The following WHRN variants were observed in gnomAD, a reference collection of about 807,000 sequenced individuals.
WHRN encodes the protein CASK-interacting protein CIP98.
A neutral mutation model predicts 68.3 loss-of-function variants in WHRN; 41 were observed. That is an observed-to-expected ratio of 0.60 (90% CI 0.47 to 0.78). The LOEUF is 0.78. Ranked by LOEUF, WHRN falls within the 30% of genes least tolerant of loss-of-function variation. WHRN has a pLI of 0.00. For missense variants in WHRN, 1,243 were observed against 1,244.7 expected (o/e 1.00, Z 0.02); for synonymous variants, 560 against 561.3 (o/e 1.00, Z 0.03).
At chr9:114,493,011 T>C (rs1471274275) in intron 1 of WHRN, among the ~76,000 whole-genome samples, 1 of 151,934 alleles carries the variant, frequency 6.6e-6, no homozygotes, top group East Asian at 1.9e-4. Flanking sequence ...AGCAAGGCCC[T>C]ATCTCAAAAA....
chr9:114,462,425 C>G (rs1286138424), intron 3 of WHRN, among the ~76,000 whole-genome samples: 2 of 152,178 alleles, frequency 1.3e-5, no homozygotes, highest in African/African-American at 2.4e-5. Flanking sequence ...AGTGTCCAAG[C>G]AGGGAGACTG....
At chr9:114,477,083 C>T (rs941007434) in intron 2 of WHRN, among the ~76,000 whole-genome samples, 36 of 152,142 alleles carry the variant, frequency 2.4e-4, no homozygotes, top group African/African-American at 7.0e-4. Flanking sequence ...AACCTTGACG[C>T]GGCCCGGGCT....
At chr9:114,450,114 T>C (rs1589159921) in intron 3 of WHRN, among the ~76,000 whole-genome samples, 1 of 151,870 alleles carries the variant, frequency 6.6e-6, no homozygotes, top group African/African-American at 2.4e-5. Flanking sequence ...GCATGGCTCA[T>C]TAGAAAAAAC....
At chr9:114,441,526 A>T (rs907822996) in intron 3 of WHRN, among the ~76,000 whole-genome samples, 3 of 152,200 alleles carry the variant, frequency 2.0e-5, no homozygotes, top group African/African-American at 7.2e-5. Context: ...GCTGGGCAGG[A>T]AAAGTACAAG....
At chr9:114,502,153 G>A (rs1347751725) in intron 1 of WHRN, among the ~76,000 whole-genome samples, 1 of 152,188 alleles carries the variant, frequency 6.6e-6, no homozygotes, top group Admixed American at 6.5e-5. Context: ...AAGGGTCCAT[G>A]TCAGGCAGGT....
In WHRN at chr9:114,402,754, C is replaced by T; in HGVS notation, c.2724G>A (p.Ter908=). 6.8e-6 allele frequency: 11 copies of T among 1,613,888 alleles called. No homozygotes were observed. Among genetic ancestry groups the T allele is most frequent in the Non-Finnish European group, 8.5e-6 (10 of 1,180,044 alleles). Residue 908 remains the stop codon, a stop_retained_variant, in exon 12 of 12, where the codon TAG becomes TAA. Transcript: ENST00000362057. ...GTGGGAGGCCCTCAGGCCTTGGCCT[C>T]TAGAGCATCACATTGAACTCAGTGA... ...FLVTEFNVML[*]
intron 3 of WHRN, among the ~76,000 whole-genome samples, chr9:114,451,393 C>T (rs574296751): frequency 1.3e-5 from 2 of 152,160 alleles, no homozygotes; most frequent in East Asian, 1.9e-4. Context: ...CATGATGAAA[C>T]TCAGGAGATC....
chr9:114,436,434 T>C (rs1039054084), intron 3 of WHRN, among the ~76,000 whole-genome samples: 2 of 152,108 alleles, frequency 1.3e-5, no homozygotes, highest in Non-Finnish European at 2.9e-5. Flanking sequence ...ATGTTAATAA[T>C]AGGGGAAAAT....
rs143968510 is a variant in WHRN at position 114,410,947 on chromosome 9, G to A, written c.1627-2929C>T. 2.9e-3 allele frequency among the ~76,000 whole-genome samples: 449 copies of A among 152,314 alleles called. 1 individual carries two copies. Among genetic ancestry groups the A allele is most frequent in the Non-Finnish European group, 4.5e-3 (306 of 68,028 alleles). ...CTTTGAGCTCACACCCAGTTCTGCC[G>A]CTTGCAGCTGAGTGATGGTAGGTAA... On this transcript the variant is annotated intron_variant, in intron 7 of 11. Coordinates refer to ENST00000362057, the MANE Select transcript of WHRN (RefSeq NM_015404.4).
At position 114,504,479 on chromosome 9, in the gene WHRN, T is replaced by C; in HGVS notation, c.323A>G (p.Gln108Arg). 1 of 1,608,582 alleles carries C rather than the reference T, an allele frequency of 6.2e-7. No individual in the cohort carries two copies. The highest frequency in any genetic ancestry group is 8.5e-7 in the Non-Finnish European group (1 of 1,179,790). Residue 108 changes from glutamine to arginine, a missense_variant, in exon 1 of 12, where the codon CAA becomes CGA. Coordinates refer to ENST00000362057, the MANE Select transcript of WHRN (RefSeq NM_015404.4). ...CAGGTAGAGGCCCTCGGCCGTGTATTGGTCGAAGAGCAGCTGGTCGGAGCG... is the reference window on the plus strand; with the variant it reads ...CAGGTAGAGGCCCTCGGCCGTGTATCGGTCGAAGAGCAGCTGGTCGGAGCG... ...IPRSDQLLFD[Q>R]YTAEGLYLPA...
At chr9:114,497,511 G>GC (rs1554744416) in intron 1 of WHRN, among the ~76,000 whole-genome samples, 2 of 117,932 alleles carry the variant, frequency 1.7e-5, no homozygotes, top group East Asian at 5.3e-4. Flanking sequence ...TTTGTTTTTT[G>GC]TTTTTAAAAA....
rs998048764 is a variant in WHRN at position 114,406,719 on chromosome 9, T to C, written c.1872A>G (p.Pro624=). The change falls in exon 9 of 12, where the codon CCA becomes CCG. Residue 624 remains proline, a synonymous_variant. Coordinates refer to ENST00000362057, the MANE Select transcript of WHRN (RefSeq NM_015404.4). ...TGCCCGCTGGCGGGCTGCGGTTCTG[T>C]GGAGCCGAGAAGACAGTGCCCGAGC... The part of the protein sequence containing the change: ...PSCSGTVFSA[P]QNRSPPAGTA... 6.2e-7 allele frequency: 1 copy of C among 1,614,034 alleles called. No homozygotes were observed. Among genetic ancestry groups the C allele is most frequent in the Non-Finnish European group, 8.5e-7 (1 of 1,180,008 alleles).
rs551302761 is a variant in WHRN at position 114,430,770 on chromosome 9, G to A, written c.964-4357C>T. 5.3e-4 allele frequency among the ~76,000 whole-genome samples: 81 copies of A among 152,276 alleles called. No individual in the cohort carries two copies. The Middle Eastern group carries it at 0.017, about 32-fold the overall frequency. On this transcript the variant is annotated intron_variant, in intron 3 of 11. Transcript: ENST00000362057. ...GGCTGTGAAATGGGAGTCACACTTGGGAAACCCTGACTTACTGGGGACGTG... is the reference window on the plus strand; with the variant it reads ...GGCTGTGAAATGGGAGTCACACTTGAGAAACCCTGACTTACTGGGGACGTG...
chr9:114,491,950 C>T (rs1304111814), intron 1 of WHRN, among the ~76,000 whole-genome samples: 1 of 151,682 alleles, frequency 6.6e-6, no homozygotes, highest in Non-Finnish European at 1.5e-5. Flanking sequence ...ACAAGGTTAC[C>T]CCTTCCCAGT....
intron 3 of WHRN, among the ~76,000 whole-genome samples, chr9:114,441,000 C>T (rs1341778980): frequency 6.6e-6 from 1 of 152,150 alleles, no homozygotes; most frequent in Non-Finnish European, 1.5e-5. Flanking sequence ...TTAATATGTG[C>T]CACAGATTGA....
At chr9:114,408,166 A>C in intron 7 of WHRN, 148 bp from the exon 8 acceptor site, 1 of 708,918 alleles carries the variant, frequency 1.4e-6, no homozygotes, top group Non-Finnish European at 2.6e-6. Context: ...ATCGAAATTC[A>C]CTTTACCCAT....
In WHRN at chr9:114,490,571, T is replaced by TTTCC. The variant is rs35866231; in HGVS notation, c.619-11801_619-11800insGGAA. Reference sequence around the variant, plus strand: ...CAACTGTTCATTCCTTCCACCCTCTTTTAAGAGTTTGACCTTCTCTGAGGG... The same window carrying TTTCC: ...CAACTGTTCATTCCTTCCACCCTCTTTTCCTTAAGAGTTTGACCTTCTCTGAGGG... On this transcript the variant is annotated intron_variant, in intron 1 of 11. Transcript: ENST00000362057. 0.041 allele frequency among the ~76,000 whole-genome samples: 14 copies of TTTCC among 338 alleles called. No individual in the cohort carries two copies. The East Asian group carries it at 0.46, about 11-fold the overall frequency. 0.2% of individuals were successfully genotyped at this position (338 alleles called of 152,430 possible). A position where few individuals can be genotyped will look rare whatever the true frequency, so the allele number is the denominator to read the frequency against.
chr9:114,432,072 T>C (rs1165959028), intron 3 of WHRN, among the ~76,000 whole-genome samples: 1 of 152,210 alleles, frequency 6.6e-6, no homozygotes, highest in Admixed American at 6.5e-5. Flanking sequence ...CTTTATTTTA[T>C]TTGTCACCAT....
In WHRN at chr9:114,489,481, C is replaced by T. The variant is rs562309431; in HGVS notation, c.619-10710G>A. On this transcript the variant is annotated intron_variant, in intron 1 of 11. Transcript: ENST00000362057. The stretch of plus-strand genomic sequence containing the variant: ...ACACACATACACACACACACACACG[C>T]ACACACACGTACACACACACACGCA... Among the ~76,000 whole-genome samples the T allele has an allele frequency of 6.1e-3, 852 of 140,210 alleles. 10 individuals carry two copies. Among genetic ancestry groups the T allele is most frequent in the African/African-American group, 0.022 (809 of 37,116 alleles). 92.0% of individuals were successfully genotyped at this position (140,210 alleles called of 152,430 possible).
Sources: gnomAD v4.1 joint callset for allele counts (sites outside exome capture counted in the v4.1 genomes callset) on GRCh38, gnomAD v4.1.1 for gene constraint, MANE v1.5 for transcripts, NCBI Gene and HGNC (gene_info 2026-07-23, HGNC 2026-07-21) for gene names.